NRXN3: variants seen among roughly 807,000 people sequenced by gnomAD.
NRXN3 encodes neurexin III.
A neutral mutation model predicts 137.6 loss-of-function variants in NRXN3; 32 were observed. The ratio of observed to expected loss-of-function variants is 0.23; its 90% confidence interval spans 0.18 to 0.31. NRXN3 has a LOEUF of 0.31. Ranked by LOEUF, NRXN3 falls within the 10% of genes least tolerant of loss-of-function variation. The pLI is 1.00. For synonymous variants in NRXN3, 798 were observed against 784.5 expected (o/e 1.02, Z -0.29); for missense variants, 1,574 against 2,062.5 (o/e 0.76, Z 4.59).
At chr14:79,223,510 A>C (rs548001449) in intron 15 of NRXN3, among the ~76,000 whole-genome samples, 8 of 152,286 alleles carry the variant, frequency 5.3e-5, no homozygotes, top group African/African-American at 1.9e-4. Flanking sequence ...GAAGGAATGC[A>C]GTTATTTATC....
Position 78,170,616 on chromosome 14 carries a change from T to C in NRXN3, c.-762T>C, listed in dbSNP as rs751824965. On this transcript the variant is annotated 5_prime_UTR_variant, in exon 1 of 21. Transcript: ENST00000335750. ...GAGGAAACATACCCAGCAAACTCAG[T>C]TGATTAAACATCAAACAGACATACA... 4 of 152,210 alleles carry C rather than the reference T, an allele frequency of 2.6e-5. No individual in the cohort carries two copies. The highest frequency in any genetic ancestry group is 4.4e-5 in the Non-Finnish European group (3 of 68,056). 9.4% of individuals were successfully genotyped at this position (152,210 alleles called of 1,614,324 possible).
At chr14:79,225,844 A>T (rs1046246604) in intron 15 of NRXN3, among the ~76,000 whole-genome samples, 2 of 152,024 alleles carry the variant, frequency 1.3e-5, no homozygotes, top group African/African-American at 2.4e-5. Flanking sequence ...GCTGGCTGAA[A>T]ACTGAGGGCC....
intron 15 of NRXN3, among the ~76,000 whole-genome samples, chr14:79,408,280 A>G (rs2095352072): frequency 6.6e-6 from 1 of 152,098 alleles, no homozygotes; most frequent in Admixed American, 6.6e-5. Flanking sequence ...AACCAAACAC[A>G]GCCAGTTTTG....
chr14:78,427,865 A>T (rs1420395235), intron 4 of NRXN3, among the ~76,000 whole-genome samples: 1 of 152,160 alleles, frequency 6.6e-6, no homozygotes, highest in Non-Finnish European at 1.5e-5. Context: ...GCATTTCCTG[A>T]CCTTCCACTG....
chr14:78,992,646 T>C (rs748313263), intron 15 of NRXN3, among the ~76,000 whole-genome samples: 3 of 152,204 alleles, frequency 2.0e-5, no homozygotes, highest in Non-Finnish European at 4.4e-5. Context: ...AGAACCCTCC[T>C]GCATGCACCC....
chr14:79,789,627 G>C (rs1234298413), intron 19 of NRXN3, among the ~76,000 whole-genome samples: 1 of 152,152 alleles, frequency 6.6e-6, no homozygotes, highest in Non-Finnish European at 1.5e-5. Flanking sequence ...CTTGTCCCTT[G>C]ATGATATGCT....
chr14:79,043,133 G>T (rs193215274), intron 15 of NRXN3, among the ~76,000 whole-genome samples: 1 of 152,110 alleles, frequency 6.6e-6, no homozygotes, highest in Non-Finnish European at 1.5e-5. Flanking sequence ...AATGAAAGTG[G>T]TGGGAATTAT....
intron 15 of NRXN3, among the ~76,000 whole-genome samples, chr14:79,293,887 C>T (rs911813243): frequency 1.3e-5 from 2 of 152,078 alleles, no homozygotes; most frequent in Non-Finnish European, 2.9e-5. Flanking sequence ...AAGGTTTTAT[C>T]CAGTGAAAAG....
At chr14:79,126,273 C>A (rs1202553130) in intron 15 of NRXN3, among the ~76,000 whole-genome samples, 1 of 151,932 alleles carries the variant, frequency 6.6e-6, no homozygotes, top group Admixed American at 6.6e-5. Context: ...GCGCTGCACC[C>A]ACTAACTCGT....
intron 15 of NRXN3, among the ~76,000 whole-genome samples, chr14:79,202,168 G>A (rs1249739203): frequency 1.3e-5 from 2 of 151,820 alleles, no homozygotes; most frequent in Admixed American, 6.6e-5. Flanking sequence ...ATCCTCTGTG[G>A]CTTATGTTCT....
chr14:79,670,062 T>C (rs1435678121), intron 17 of NRXN3, among the ~76,000 whole-genome samples: 2 of 152,016 alleles, frequency 1.3e-5, no homozygotes, highest in African/African-American at 4.8e-5. Context: ...AAATTTTTGT[T>C]TTATTATGTA....
At chr14:79,762,859 T>C (rs1264590842) in intron 19 of NRXN3, among the ~76,000 whole-genome samples, 2 of 151,722 alleles carry the variant, frequency 1.3e-5, no homozygotes, top group African/African-American at 4.9e-5. Context: ...CATCTGTTTT[T>C]TCTTTTCTTC....
intron 4 of NRXN3, among the ~76,000 whole-genome samples, chr14:78,517,675 C>T (rs2153797551): frequency 6.6e-6 from 1 of 152,264 alleles, no homozygotes; most frequent in South Asian, 2.1e-4. Flanking sequence ...TCAAAGTGTA[C>T]AGCCCAAGAA....
intron 4 of NRXN3, among the ~76,000 whole-genome samples, chr14:78,440,180 C>T (rs1275574215): frequency 6.6e-6 from 1 of 152,200 alleles, no homozygotes; most frequent in Admixed American, 6.5e-5. Context: ...TGCATAGTTG[C>T]TAATGAGACA....
chr14:79,845,669 AC>A (rs1361361663), intron 20 of NRXN3, among the ~76,000 whole-genome samples: 12 of 130,182 alleles, frequency 9.2e-5, no homozygotes, highest in African/African-American at 4.0e-4. Context: ...GGGGAGAGAG[AC>A]GGAGACGGGG....
chr14:79,625,278 A>G (rs1473570306), intron 16 of NRXN3, among the ~76,000 whole-genome samples: 1 of 152,214 alleles, frequency 6.6e-6, no homozygotes, highest in African/African-American at 2.4e-5. Flanking sequence ...ATTGAACATT[A>G]CTTTGAGAAC....
At position 78,531,669 on chromosome 14, in the gene NRXN3, C is replaced by T. The variant is rs10483906; in HGVS notation, c.758-113451C>T. Among the ~76,000 whole-genome samples, 718 of 152,136 alleles carry T rather than the reference C, an allele frequency of 4.7e-3. 41 individuals carry two copies. The East Asian group carries it at 0.095, about 20-fold the overall frequency. ...TGTGTTGGCCTTTTAGAGTCTGACA[C>T]GGTATTTGGGACCCTCCATGAGATT... On this transcript the variant is annotated intron_variant, in intron 4 of 20. Coordinates refer to ENST00000335750, the MANE Select transcript of NRXN3 (RefSeq NM_001330195.2).
At chr14:78,393,920 C>T (rs1379571694) in intron 4 of NRXN3, among the ~76,000 whole-genome samples, 2 of 151,918 alleles carry the variant, frequency 1.3e-5, no homozygotes, top group Non-Finnish European at 2.9e-5. Flanking sequence ...TAGAGGAATA[C>T]AACAGACTTT....
intron 15 of NRXN3, among the ~76,000 whole-genome samples, chr14:79,314,734 C>G (rs2088056845): frequency 6.8e-6 from 1 of 146,406 alleles, no homozygotes; most frequent in Non-Finnish European, 1.5e-5. Flanking sequence ...GGGCAGACTG[C>G]CTCCTCAAGT....
Sources: allele counts gnomAD v4.1 joint callset (sites outside exome capture counted in the v4.1 genomes callset), GRCh38; gene constraint gnomAD v4.1.1; transcripts MANE v1.5; gene names NCBI Gene and HGNC (gene_info 2026-07-23, HGNC 2026-07-21).